EPHA6: variants seen among roughly 807,000 people sequenced by gnomAD.
The protein encoded by EPHA6 is EPH receptor A6, also known as ephrin type-A receptor 6.
A neutral mutation model predicts 112.0 loss-of-function variants in EPHA6; 50 were observed. The ratio of observed to expected loss-of-function variants is 0.45; its 90% CI spans 0.36 to 0.56. The LOEUF is 0.56. Ranked by LOEUF, EPHA6 falls within the 20% of genes least tolerant of loss-of-function variation. The pLI, the probability that EPHA6 is intolerant of heterozygous loss-of-function variation, is 0.00. For synonymous variants in EPHA6, 529 were observed against 490.7 expected (o/e 1.08, Z -1.03); for missense variants, 1,280 against 1,417.4 (o/e 0.90, Z 1.56).
chr3:97,559,827 T>A (rs1346497698), intron 11 of EPHA6, among the ~76,000 whole-genome samples: 1 of 151,924 alleles, frequency 6.6e-6, no homozygotes, highest in Non-Finnish European at 1.5e-5. Flanking sequence ...GATGCAGCTC[T>A]AGAGATGGTG....
chr3:96,817,019 T>C (rs1190918036), intron 1 of EPHA6, among the ~76,000 whole-genome samples: 1 of 152,034 alleles, frequency 6.6e-6, no homozygotes, highest in African/African-American at 2.4e-5. Context: ...ATCAGTTAAA[T>C]AGAAGCATTA....
intron 12 of EPHA6, among the ~76,000 whole-genome samples, chr3:97,593,153 A>G (rs1407561003): frequency 6.6e-6 from 1 of 152,126 alleles, no homozygotes; most frequent in Admixed American, 6.5e-5. Context: ...GTATCCTTTC[A>G]TTACAGAAAA....
rs60610028 is a variant in EPHA6, at chr3:97,229,473, G to A, written c.1270+3054G>A. On this transcript the variant is annotated intron_variant, in intron 4 of 17. Transcript: ENST00000389672. Reference sequence around the variant, plus strand: ...GTCCCAGCACCATTTATTGAATAGGGTGTCCTTTCTCCACTTTATGTTTTT... The same window carrying A: ...GTCCCAGCACCATTTATTGAATAGGATGTCCTTTCTCCACTTTATGTTTTT... Among the ~76,000 whole-genome samples the A allele has an allele frequency of 3.3e-3, 509 of 152,132 alleles. 1 individual carries two copies. Among genetic ancestry groups the A allele is most frequent in the African/African-American group, 0.011 (472 of 41,504 alleles).
At position 97,627,079 on chromosome 3, in the gene EPHA6, T is replaced by TTAC. The variant is rs562082326; in HGVS notation, c.2575-10793_2575-10791dup. Among the ~76,000 whole-genome samples the TTAC allele has an allele frequency of 3.9e-5, 6 of 152,040 alleles. No individual in the cohort carries two copies. The South Asian group carries it at 1.2e-3, about 31-fold the overall frequency. The stretch of plus-strand genomic sequence containing the variant: ...TTACAACAGCACTGTGAAGTAGTTA[T>TTAC]TACCACTATCCTCATTTTACCAGTG... On this transcript the variant is annotated intron_variant, in intron 13 of 17. Transcript: ENST00000389672.
At chr3:97,584,169 C>CTT (rs1368614972) in intron 11 of EPHA6, among the ~76,000 whole-genome samples, 6 of 152,232 alleles carry the variant, frequency 3.9e-5, no homozygotes, top group Non-Finnish European at 8.8e-5. Context: ...GTCAAACTAC[C>CTT]TTTGTATTGT....
At chr3:97,027,197 T>C (rs1050533959) in intron 3 of EPHA6, among the ~76,000 whole-genome samples, 6 of 152,022 alleles carry the variant, frequency 3.9e-5, no homozygotes, top group Non-Finnish European at 7.4e-5. Context: ...AACAGAAAAC[T>C]AAATACCGCA....
At chr3:96,832,750 A>G (rs2034168184) in intron 1 of EPHA6, among the ~76,000 whole-genome samples, 1 of 152,024 alleles carries the variant, frequency 6.6e-6, no homozygotes, top group Non-Finnish European at 1.5e-5. Context: ...TTAAATAACC[A>G]GTAACTGACA....
chr3:97,495,846 T>C (rs752107813), intron 10 of EPHA6, among the ~76,000 whole-genome samples: 1 of 152,182 alleles, frequency 6.6e-6, no homozygotes, highest in Non-Finnish European at 1.5e-5. Context: ...GATCAAGAAA[T>C]TGTACCCAAT....
chr3:97,580,679 C>G (rs565269416), intron 11 of EPHA6, among the ~76,000 whole-genome samples: 1 of 152,170 alleles, frequency 6.6e-6, no homozygotes, highest in African/African-American at 2.4e-5. Context: ...TTTAATGTGA[C>G]TAAACAGTCA....
rs184662404 is a variant in EPHA6 at position 97,418,325 on chromosome 3, A to G, written c.1731+13051A>G. Among the ~76,000 whole-genome samples the G allele has an allele frequency of 3.7e-3, 558 of 152,210 alleles. 2 individuals are homozygous for G. The highest frequency in any genetic ancestry group is 0.013 in the African/African-American group (520 of 41,578). On this transcript the variant is annotated intron_variant, in intron 6 of 17. Coordinates refer to ENST00000389672, the MANE Select transcript of EPHA6 (RefSeq NM_001080448.3). Reference sequence around the variant, plus strand: ...ACAGAACAGAGAGCATACAATACTTATATGAATAATGGCTGTGAATTTTCT... The same window carrying G: ...ACAGAACAGAGAGCATACAATACTTGTATGAATAATGGCTGTGAATTTTCT...
chr3:96,935,529 A>T (rs900294332), intron 2 of EPHA6, among the ~76,000 whole-genome samples: 10 of 150,222 alleles, frequency 6.7e-5, no homozygotes, highest in Admixed American at 2.0e-4. Context: ...TTAAAAGACC[A>T]TATTATATTT....
At chr3:97,054,660 G>C (rs2045795333) in intron 3 of EPHA6, among the ~76,000 whole-genome samples, 1 of 151,620 alleles carries the variant, frequency 6.6e-6, no homozygotes, top group Non-Finnish European at 1.5e-5. Flanking sequence ...AAAACATCTT[G>C]AATATAACAA....
rs1043964759 is a variant in EPHA6 at position 97,757,015 on chromosome 3, C to T, written c.*8314C>T. Among the ~76,000 whole-genome samples the T allele has an allele frequency of 6.6e-6, 1 of 151,648 alleles. No individual in the cohort carries two copies. The highest frequency in any genetic ancestry group is 2.4e-5 in the African/African-American group (1 of 41,354). On this transcript the variant is annotated 3_prime_UTR_variant, in exon 18 of 18. Coordinates refer to ENST00000389672, the MANE Select transcript of EPHA6 (RefSeq NM_001080448.3). ...GAATAATTTTTAACAGTCTTTGTTT[C>T]TTAAAATGTTAATTATGGTATACGT... is the stretch of plus-strand genomic sequence containing the variant.
intron 5 of EPHA6, among the ~76,000 whole-genome samples, chr3:97,257,920 C>T (rs1045475742): frequency 2.9e-4 from 44 of 151,974 alleles, no homozygotes; most frequent in African/African-American, 1.1e-3. Context: ...AATTGATGTA[C>T]ACACATGGTC....
At chr3:97,034,977 T>A (rs1009994950) in intron 3 of EPHA6, among the ~76,000 whole-genome samples, 3 of 152,128 alleles carry the variant, frequency 2.0e-5, no homozygotes, top group Non-Finnish European at 4.4e-5. Context: ...TTACATACAA[T>A]AGTTCCAGAA....
At chr3:97,030,429 T>C (rs2108013399) in intron 3 of EPHA6, among the ~76,000 whole-genome samples, 1 of 152,178 alleles carries the variant, frequency 6.6e-6, no homozygotes, top group Non-Finnish European at 1.5e-5. Context: ...ATTCCTTTGA[T>C]GTCTTGCCGT....
chr3:97,387,529 A>G (rs1329607711), intron 5 of EPHA6, among the ~76,000 whole-genome samples: 2 of 152,132 alleles, frequency 1.3e-5, no homozygotes, highest in Admixed American at 1.3e-4. Context: ...TCCAGTTCCC[A>G]ATAAGTTGCT....
At chr3:97,665,294 C>T (rs1025055485) in intron 14 of EPHA6, among the ~76,000 whole-genome samples, 8 of 152,184 alleles carry the variant, frequency 5.3e-5, no homozygotes, top group Admixed American at 6.5e-5. Context: ...GGATCCCTTC[C>T]TTGCACCTTA....
At chr3:96,943,892 G>GATGTTGGAAATTATTGAA (rs2041113669) in intron 2 of EPHA6, among the ~76,000 whole-genome samples, 1 of 152,044 alleles carries the variant, frequency 6.6e-6, no homozygotes, top group African/African-American at 2.4e-5. Context: ...ATGAATTTGA[G>GATGTTGGAAATTATTGAA]ATGTTGGAAA....
Sources: gnomAD v4.1 joint callset for allele counts (sites outside exome capture counted in the v4.1 genomes callset) on GRCh38, gnomAD v4.1.1 for gene constraint, MANE v1.5 for transcripts, NCBI Gene and HGNC (gene_info 2026-07-23, HGNC 2026-07-21) for gene names.